Variants in PCDHA3 observed in about 807,000 individuals in gnomAD.
The protein encoded by PCDHA3 is protocadherin alpha-3.
Under a neutral mutation model 62.2 loss-of-function variants are expected in PCDHA3, and 41 were observed. The ratio of observed to expected loss-of-function variants is 0.66; its 90% CI spans 0.51 to 0.86. The LOEUF (loss-of-function observed/expected upper bound fraction) is 0.86. PCDHA3 is among the 40% of genes least tolerant of loss of function. The pLI, the probability that PCDHA3 is intolerant of heterozygous loss-of-function variation, is 0.00. For missense variants in PCDHA3, 1,304 were observed against 1,241.2 expected, an observed-to-expected ratio of 1.05 and a Z score of -0.76; for synonymous variants, 640 against 555.4, an observed-to-expected ratio of 1.15 and a Z score of -2.14.
At chr5:140,915,368 T>G (rs1281630689) in intron 1 of PCDHA3, among the ~76,000 whole-genome samples, 1 of 152,216 alleles carries the variant, frequency 6.6e-6, no homozygotes, top group Non-Finnish European at 1.5e-5. Flanking sequence ...TACCAGTAAG[T>G]GTCTCGGCAT....
chr5:140,997,719 C>T (rs1456038917), intron 3 of PCDHA3, among the ~76,000 whole-genome samples: 1 of 150,932 alleles, frequency 6.6e-6, no homozygotes, highest in East Asian at 1.9e-4. Context: ...CACCTTTCTA[C>T]GTCAGTACAT....
intron 1 of PCDHA3, chr5:140,927,681 G>A: frequency 6.2e-7 from 1 of 1,614,180 alleles, no homozygotes; most frequent in Non-Finnish European, 8.5e-7. Flanking sequence ...CAGATGAAGG[G>A]TCCAATGGGG....
intron 1 of PCDHA3, chr5:140,829,748 G>A (rs1179697520): frequency 1.2e-6 from 2 of 1,613,722 alleles, no homozygotes; most frequent in East Asian, 2.2e-5. Flanking sequence ...GACGCTGCAG[G>A]TGTTCGTGCT....
rs2150370274 is a variant in PCDHA3 at position 140,844,311 on chromosome 5, T to C, written c.2394+40720T>C. Among the ~76,000 whole-genome samples, 61 of 149,790 alleles carry C rather than the reference T, an allele frequency of 4.1e-4. 5 individuals carry two copies. The highest frequency in any genetic ancestry group is 7.6e-4 in the Non-Finnish European group (51 of 66,820). On this transcript the variant is annotated intron_variant, in intron 1 of 3. Transcript: ENST00000522353. ...CAAAATTTGATAGTTTTCATATTCT[T>C]CCTAATTTTATTATAAACTAGTTAA...
chr5:140,809,746 C>T (rs546694541), intron 1 of PCDHA3: 347 of 665,552 alleles, frequency 5.2e-4, no homozygotes, highest in Middle Eastern at 8.3e-4. Flanking sequence ...TATATATTGC[C>T]TTCCTTCATT....
chr5:140,960,708 T>C (rs578004240), intron 1 of PCDHA3, among the ~76,000 whole-genome samples: 1 of 152,142 alleles, frequency 6.6e-6, no homozygotes, highest in Non-Finnish European at 1.5e-5. Context: ...TAGTGCCAAA[T>C]ACTCATCTTA....
At chr5:140,816,351 T>C (rs1413125816) in intron 1 of PCDHA3, 1 of 152,232 alleles carries the variant, frequency 6.6e-6, no homozygotes, top group South Asian at 2.1e-4. Context: ...AATTTCTTTT[T>C]AGTTCTTTTG....
Position 140,855,527 on chromosome 5 carries a change from G to C in PCDHA3, c.2394+51936G>C, listed in dbSNP as rs1017117704. ...TTAAATCTCAAAATAATGAGAAAGA[G>C]AAGTAAGTTAAGTGTCAGAACTTAA... On this transcript the variant is annotated intron_variant, in intron 1 of 3. Coordinates refer to ENST00000522353, the MANE Select transcript of PCDHA3 (RefSeq NM_018906.3). 1.3e-5 allele frequency among the ~76,000 whole-genome samples: 2 copies of C among 149,890 alleles called. 1 individual carries two copies. The highest frequency in any genetic ancestry group is 4.9e-5 in the African/African-American group (2 of 40,842).
At chr5:140,890,141 C>T (rs573390664) in intron 1 of PCDHA3, among the ~76,000 whole-genome samples, 6 of 152,182 alleles carry the variant, frequency 3.9e-5, no homozygotes, top group African/African-American at 1.4e-4. Context: ...TGAAATTGGC[C>T]ATGGTAGGAG....
intron 1 of PCDHA3, chr5:140,848,567 G>C (rs2150412959): frequency 6.3e-7 from 1 of 1,595,646 alleles, no homozygotes; most frequent in Non-Finnish European, 8.6e-7. Flanking sequence ...TCGCAATGTG[G>C]GTGGTGGGGA....
In PCDHA3 at chr5:140,851,765, C is replaced by T; in HGVS notation, c.2394+48174C>T. Reference sequence around the variant, plus strand: ...AGAGTCTGTAACTTAAAACATTACCCTTATGAATTTAGATGAGAATTCACT... The same window carrying T: ...AGAGTCTGTAACTTAAAACATTACCTTTATGAATTTAGATGAGAATTCACT... On this transcript the variant is annotated intron_variant, in intron 1 of 3. Transcript: ENST00000522353. 12 of 970,186 alleles carry T rather than the reference C, an allele frequency of 1.2e-5. 1 individual carries two copies. The highest frequency in any genetic ancestry group is 1.4e-5 in the Non-Finnish European group (11 of 802,992). The allele number at this position is 970,186 out of a possible 1,614,324, so 60.1% of individuals were successfully genotyped here. A position where few individuals can be genotyped will look rare whatever the true frequency, so the allele number is the denominator to read the frequency against.
chr5:140,856,385 C>T lies in PCDHA3; in HGVS notation c.2394+52794C>T, dbSNP rs190288099. On this transcript the variant is annotated intron_variant, in intron 1 of 3. Coordinates refer to ENST00000522353, the MANE Select transcript of PCDHA3 (RefSeq NM_018906.3). ...CCTGGAGGTGATCGTGGACAGGCCG[C>T]TGCAGGTTTTCCATGTGGACGTGGA... 1.5e-4 allele frequency: 246 copies of T among 1,598,538 alleles called. 26 individuals are homozygous for T. The highest frequency in any genetic ancestry group is 2.0e-4 in the Non-Finnish European group (228 of 1,167,982).
intron 1 of PCDHA3, chr5:140,803,974 T>C: frequency 3.2e-6 from 1 of 314,768 alleles, no homozygotes. Context: ...ACTTTTCATT[T>C]GGACTTCCTA....
chr5:140,857,873 G>C, intron 1 of PCDHA3: 1 of 1,597,876 alleles, frequency 6.3e-7, no homozygotes, highest in Non-Finnish European at 8.6e-7. Flanking sequence ...GCTGTCGTAT[G>C]AATTGCAGTC....
In PCDHA3 at chr5:140,817,799, C is replaced by A. The variant is rs569935488; in HGVS notation, c.2394+14208C>A. Among the ~76,000 whole-genome samples the A allele has an allele frequency of 2.0e-5, 3 of 152,040 alleles. No homozygotes were observed. The South Asian group carries it at 6.2e-4, about 32-fold the overall frequency. ...TAGTGTGGCCTGCTGGTAAAGAAAC[C>A]TTTACGTTTTTATATATCTGGAAAT... On this transcript the variant is annotated intron_variant, in intron 1 of 3. Transcript: ENST00000522353.
intron 2 of PCDHA3, among the ~76,000 whole-genome samples, chr5:140,979,246 C>A (rs944063929): frequency 2.0e-5 from 3 of 152,206 alleles, no homozygotes; most frequent in African/African-American, 7.2e-5. Context: ...AAACAGGCTG[C>A]TATGTATTTT....
rs782144486 is a variant in PCDHA3, at chr5:140,875,746, C to A, written c.2394+72155C>A. ...TTTGTTTGTGAATTCTCGGATCGAC[C>A]GCGAGAAGCTGTGCGGGCGGAGCGC... is the stretch of plus-strand genomic sequence containing the variant. On this transcript the variant is annotated intron_variant, in intron 1 of 3. Coordinates refer to ENST00000522353, the MANE Select transcript of PCDHA3 (RefSeq NM_018906.3). 7.4e-6 allele frequency: 12 copies of A among 1,614,096 alleles called. No homozygotes were observed. In the East Asian group the frequency reaches 2.0e-4, roughly 27 times the overall value.
chr5:140,883,686 A>G (rs1380292802), intron 1 of PCDHA3: 1 of 1,613,664 alleles, frequency 6.2e-7, no homozygotes, highest in East Asian at 2.2e-5. Flanking sequence ...CCGGGCTGCC[A>G]CATCTTCACG....
At chr5:140,942,601 GT>G (rs1453167051) in intron 1 of PCDHA3, among the ~76,000 whole-genome samples, 1 of 130,480 alleles carries the variant, frequency 7.7e-6, no homozygotes, top group Non-Finnish European at 1.6e-5. Flanking sequence ...TAATTATAGT[GT>G]TTATATTTGC....
Sources: gnomAD v4.1 joint callset for allele counts (sites outside exome capture counted in the v4.1 genomes callset) on GRCh38, gnomAD v4.1.1 for gene constraint, MANE v1.5 for transcripts, NCBI Gene and HGNC (gene_info 2026-07-23, HGNC 2026-07-21) for gene names.